Variants in CEACAM6 observed in about 807,000 individuals in gnomAD.
CEACAM6 encodes CEA cell adhesion molecule 6.
A neutral mutation model predicts 32.4 loss-of-function variants in CEACAM6; 21 were observed. The observed-to-expected ratio is 0.65, with a 90% CI of 0.46 to 0.93. CEACAM6 has a LOEUF of 0.93. Among genes scored for constraint, CEACAM6 ranks in the 40% least tolerant of loss-of-function variants. The pLI is 0.00. For missense variants in CEACAM6, 406 were observed against 432.2 expected (o/e 0.94, Z 0.54); for synonymous variants, 184 against 174.4 (o/e 1.06, Z -0.43).
chr19:41,765,035 T>C (rs1177022800), intron 4 of CEACAM6, among the ~76,000 whole-genome samples: 1 of 152,230 alleles, frequency 6.6e-6, no homozygotes, highest in Non-Finnish European at 1.5e-5. Context: ...TGATTAAGCC[T>C]TCAGCAAAAT....
At chr19:41,758,746 A>G (rs529351972) in intron 2 of CEACAM6, among the ~76,000 whole-genome samples, 1 of 152,078 alleles carries the variant, frequency 6.6e-6, no homozygotes, top group East Asian at 1.9e-4. Flanking sequence ...CTCCACCCTT[A>G]GGCCTTCCCC....
At position 41,772,054 on chromosome 19, in the gene CEACAM6, A is replaced by G. The variant is rs1217760305; in HGVS notation, c.*1293A>G. Reference sequence around the variant, plus strand: ...AACCTGAACTAATCTGATGTTAACCAATGTATTTATTTCTGTGGTTCTGTT... The same window carrying G: ...AACCTGAACTAATCTGATGTTAACCGATGTATTTATTTCTGTGGTTCTGTT... On this transcript the variant is annotated 3_prime_UTR_variant, in exon 6 of 6. Transcript: ENST00000199764. The G allele has an allele frequency of 1.3e-5, 2 of 152,194 alleles. No individual in the cohort carries two copies. Among genetic ancestry groups the G allele is most frequent in the Non-Finnish European group, 2.9e-5 (2 of 68,028 alleles). 9.4% of individuals were successfully genotyped at this position (152,194 alleles called of 1,614,324 possible). A position where few individuals can be genotyped will look rare whatever the true frequency, so the allele number is the denominator to read the frequency against.
intron 4 of CEACAM6, among the ~76,000 whole-genome samples, chr19:41,762,868 C>T (rs960344715): frequency 2.0e-5 from 3 of 152,100 alleles, no homozygotes; most frequent in African/African-American, 7.2e-5. Context: ...TGGATCAGGC[C>T]GCAGGAAAAT....
rs868981824 is a variant in CEACAM6, at chr19:41,755,795, G to A, written c.64+93G>A. 7.8e-5 allele frequency: 83 copies of A among 1,066,240 alleles called. No individual in the cohort carries two copies. The Middle Eastern group carries it at 3.6e-3, about 47-fold the overall frequency. 66.0% of individuals were successfully genotyped at this position (1,066,240 alleles called of 1,614,324 possible). On this transcript the variant is annotated intron_variant, in intron 1 of 5. Coordinates refer to ENST00000199764, the MANE Select transcript of CEACAM6 (RefSeq NM_002483.7). ...GAGGACAAGGCTCTGAGAGGAGACA[G>A]AGGGCTTTTGTTGAAGCCTGAGGAA...
chr19:41,759,648 C>A (rs1555821559), intron 2 of CEACAM6, among the ~76,000 whole-genome samples: 1 of 152,194 alleles, frequency 6.6e-6, no homozygotes, highest in African/African-American at 2.4e-5. Context: ...CACAGCACAC[C>A]TAAACCTTAG....
chr19:41,756,547 C>G (rs2072886659), intron 1 of CEACAM6, 53 bp from the exon 2 acceptor site: 50 of 1,566,096 alleles, frequency 3.2e-5, no homozygotes, highest in Non-Finnish European at 4.2e-5. Context: ...CCCTGTTTTT[C>G]CACCCTAATG....
At chr19:41,767,819 A>G (rs1392581520) in intron 5 of CEACAM6, among the ~76,000 whole-genome samples, 1 of 152,234 alleles carries the variant, frequency 6.6e-6, no homozygotes, top group Non-Finnish European at 1.5e-5. Context: ...GGCTCCACCA[A>G]GAACTCAGTA....
chr19:41,758,720 T>C (rs1368145152), intron 2 of CEACAM6, among the ~76,000 whole-genome samples: 2 of 152,166 alleles, frequency 1.3e-5, no homozygotes, highest in African/African-American at 4.8e-5. Flanking sequence ...TGGGATGCCC[T>C]GCCCTGCACA....
rs895852079 is a variant in CEACAM6, at chr19:41,769,701, C to G, written c.*41-1101C>G. Among the ~76,000 whole-genome samples the G allele has an allele frequency of 1.2e-4, 17 of 145,744 alleles. 1 individual carries two copies. The Admixed American group carries it at 1.2e-3, about 10-fold the overall frequency. ...AATATTTATATGTTTATAATAATAT[C>G]GTTATTTGCACAAAAAATATAGTTA... On this transcript the variant is annotated intron_variant, in intron 5 of 5. Coordinates refer to ENST00000199764, the MANE Select transcript of CEACAM6 (RefSeq NM_002483.7).
chr19:41,756,671 G>A lies in CEACAM6; in HGVS notation c.136G>A (p.Ala46Thr), dbSNP rs145334885. 9.2e-4 allele frequency: 1,488 copies of A among 1,614,020 alleles called. 11 individuals carry two copies. In the African/African-American group the frequency reaches 0.018, roughly 19 times the overall value. The change falls in exon 2 of 6, where the codon GCA (alanine) becomes ACA (threonine). Residue 46 changes from alanine to threonine, a missense_variant. Physicochemically the swap from Ala to Thr is moderately conservative, Grantham distance 58. Transcript: ENST00000199764. ...LTIESTPFNVAEGKEVLLLAH... is the reference protein window; with the variant it reads ...LTIESTPFNVTEGKEVLLLAH... ...TATTGAATCCACGCCGTTCAATGTC[G>A]CAGAGGGGAAGGAGGTTCTTCTACT... is the stretch of plus-strand genomic sequence containing the variant.
intron 2 of CEACAM6, chr19:41,757,844 CACTTATCCT>C (rs1304865430): frequency 6.6e-6 from 1 of 152,262 alleles, no homozygotes; most frequent in African/African-American, 2.4e-5. Context: ...AGCCAAATAG[CACTTATCCT>C]ACTTATAGAA....
At chr19:41,769,602 A>ATTTGGTGAAGTAGAC (rs1363161822) in intron 5 of CEACAM6, among the ~76,000 whole-genome samples, 3 of 151,932 alleles carry the variant, frequency 2.0e-5, no homozygotes, top group African/African-American at 7.2e-5. Flanking sequence ...AGCTTCAACA[A>ATTTGGTGAAGTAGAC]TTTTGCGAAC....
At chr19:41,765,995 T>A (rs1424389095) in intron 4 of CEACAM6, among the ~76,000 whole-genome samples, 188 bp from the exon 5 acceptor site, 1 of 152,166 alleles carries the variant, frequency 6.6e-6, no homozygotes, top group Non-Finnish European at 1.5e-5. Context: ...AAGAACAGGA[T>A]GAAATTGACA....
chr19:41,766,182 G>T lies in CEACAM6; in HGVS notation c.959-1G>T, dbSNP rs1555822371. Reference sequence around the variant, plus strand: ...CATTCCTTCTCTCTTCTTCCCACAAGGAAGTGCTCCTGTCCTCTCAGCTGT... The same window carrying T: ...CATTCCTTCTCTCTTCTTCCCACAATGAAGTGCTCCTGTCCTCTCAGCTGT... On this transcript the variant is annotated splice_acceptor_variant, in intron 4 of 5. Transcript: ENST00000199764. LOFTEE classifies it high-confidence loss of function. 2.5e-6 allele frequency: 4 copies of T among 1,599,436 alleles called. No homozygotes were observed. Among genetic ancestry groups the T allele is most frequent in the Non-Finnish European group, 3.4e-6 (4 of 1,173,562 alleles).
intron 3 of CEACAM6, 103 bp from the exon 4 acceptor site, chr19:41,761,866 G>C: frequency 9.1e-6 from 13 of 1,425,848 alleles, no homozygotes; most frequent in Non-Finnish European, 1.3e-5. Flanking sequence ...TGAGACTTCA[G>C]GGTTGTGACA....
At chr19:41,760,838 C>A (rs2072918184) in intron 2 of CEACAM6, among the ~76,000 whole-genome samples, 1 of 152,068 alleles carries the variant, frequency 6.6e-6, no homozygotes, top group Admixed American at 6.6e-5. Context: ...GAAAAGGAAG[C>A]CACACAGAAA....
intron 5 of CEACAM6, among the ~76,000 whole-genome samples, chr19:41,768,699 C>G (rs1442235284): frequency 6.8e-6 from 1 of 147,106 alleles, no homozygotes; most frequent in African/African-American, 2.5e-5. Flanking sequence ...CCCCTCACCT[C>G]CCAGACGGGG....
intron 5 of CEACAM6, among the ~76,000 whole-genome samples, chr19:41,768,702 A>C (rs8104232): frequency 7.0e-6 from 1 of 142,400 alleles, no homozygotes; most frequent in Non-Finnish European, 1.6e-5. Context: ...CTCACCTCCC[A>C]GACGGGGCGG....
intron 5 of CEACAM6, 112 bp downstream of exon 5, chr19:41,766,411 A>G: frequency 2.0e-6 from 1 of 505,680 alleles, no homozygotes; most frequent in Non-Finnish European, 3.5e-6. Context: ...CTACCGCTAA[A>G]CTCCTGCTTC....
Sources: gnomAD v4.1 joint callset for allele counts (sites outside exome capture counted in the v4.1 genomes callset) on GRCh38, gnomAD v4.1.1 for gene constraint, MANE v1.5 for transcripts, NCBI Gene and HGNC (gene_info 2026-07-23, HGNC 2026-07-21) for gene names.